ADCY2: variants seen among roughly 807,000 people sequenced by gnomAD.
ADCY2 encodes adenylate cyclase 2.
Under a neutral mutation model 125.2 loss-of-function variants are expected in ADCY2, and 31 were observed. That is an observed-to-expected ratio of 0.25 (90% CI 0.19 to 0.33). The LOEUF (loss-of-function observed/expected upper bound fraction) is 0.33. Among genes scored for constraint, ADCY2 ranks in the 10% least tolerant of loss-of-function variants. ADCY2 has a pLI of 1.00. For synonymous variants in ADCY2, 512 were observed against 548.4 expected, an observed-to-expected ratio of 0.93 and a Z score of 0.93; for missense variants, 904 against 1,418.2, an observed-to-expected ratio of 0.64 and a Z score of 5.82.
At chr5:7,794,043 C>T (rs1436131732) in intron 20 of ADCY2, 1 of 152,240 alleles carries the variant, frequency 6.6e-6, no homozygotes, top group Non-Finnish European at 1.5e-5. Context: ...TGATTCCTGC[C>T]TGGTAGGCTT....
intron 4 of ADCY2, among the ~76,000 whole-genome samples, chr5:7,664,558 A>G (rs1739649799): frequency 6.6e-6 from 1 of 152,192 alleles, no homozygotes; most frequent in African/African-American, 2.4e-5. Context: ...TTCTCATCAC[A>G]TGGGTTTTCT....
At chr5:7,674,411 T>C (rs1277363800) in intron 4 of ADCY2, among the ~76,000 whole-genome samples, 1 of 152,230 alleles carries the variant, frequency 6.6e-6, no homozygotes, top group Non-Finnish European at 1.5e-5. Context: ...GCTTTCTCCC[T>C]GTGTTTGGTT....
At position 7,414,824 on chromosome 5, in the gene ADCY2, C is replaced by G. The variant is rs532485075; in HGVS notation, c.408+54C>G. On this transcript the variant is annotated intron_variant, in intron 2 of 24. Transcript: ENST00000338316. ...CTTTTATGTCTTGATTTGTGACATA[C>G]TTAGTTCTGTAAACAACTTGGCCTT... The G allele has an allele frequency of 9.6e-5, 141 of 1,471,186 alleles. 2 individuals carry two copies. In the East Asian group the frequency reaches 3.4e-3, roughly 35 times the overall value. 91.1% of individuals were successfully genotyped at this position (1,471,186 alleles called of 1,614,324 possible).
intron 2 of ADCY2, among the ~76,000 whole-genome samples, chr5:7,514,409 G>T (rs934214245): frequency 6.6e-6 from 1 of 152,176 alleles, no homozygotes; most frequent in African/African-American, 2.4e-5. Flanking sequence ...TTTATAAATT[G>T]TAAGTAACCT....
chr5:7,808,741 A>G (rs1348946814), intron 22 of ADCY2, among the ~76,000 whole-genome samples: 1 of 151,860 alleles, frequency 6.6e-6, no homozygotes, highest in East Asian at 1.9e-4. Flanking sequence ...GCATCCCTGC[A>G]CCCCTACATT....
intron 3 of ADCY2, among the ~76,000 whole-genome samples, chr5:7,622,184 AT>A (rs1013843792): frequency 3.3e-5 from 5 of 152,222 alleles, no homozygotes; most frequent in Admixed American, 3.3e-4. Flanking sequence ...ATGCTTTGAT[AT>A]TATTTTTGAA....
Position 7,624,276 on chromosome 5 carries a change from C to A in ADCY2, c.571-1891C>A, listed in dbSNP as rs190186040. ...GTTCAGAACCCTTTGAGAGATAGAC[C>A]AAGGCATTGGGTAGATGGAGAACAA... On this transcript the variant is annotated intron_variant, in intron 3 of 24. Transcript: ENST00000338316. Among the ~76,000 whole-genome samples the A allele has an allele frequency of 1.7e-4, 26 of 152,260 alleles. No individual in the cohort carries two copies. The East Asian group carries it at 5.0e-3, about 29-fold the overall frequency.
At chr5:7,594,734 C>A (rs150233643) in intron 3 of ADCY2, among the ~76,000 whole-genome samples, 2 of 152,086 alleles carry the variant, frequency 1.3e-5, no homozygotes, top group African/African-American at 2.4e-5. Flanking sequence ...TAAAACGTCA[C>A]CAGGTGGGTA....
At position 7,819,823 on chromosome 5, in the gene ADCY2, G is replaced by A. The variant is rs530186001; in HGVS notation, c.2999-742G>A. ...AGCATCCTTTTCAGCATATCTAGCT[G>A]TAGAATCAGTTGGAACCACAAATCA... On this transcript the variant is annotated intron_variant, in intron 23 of 24. Coordinates refer to ENST00000338316, the MANE Select transcript of ADCY2 (RefSeq NM_020546.3). Among the ~76,000 whole-genome samples the A allele has an allele frequency of 1.6e-4, 24 of 152,316 alleles. No individual in the cohort carries two copies. The South Asian group carries it at 2.1e-3, about 13-fold the overall frequency.
chr5:7,559,338 C>T (rs4418069), intron 3 of ADCY2, among the ~76,000 whole-genome samples: 148,068 of 152,290 alleles, frequency 0.97, 72,094 homozygotes, highest in Non-Finnish European at 1. Flanking sequence ...GTTTGTGTCA[C>T]CTCTGATTTC....
chr5:7,507,336 G>T lies in ADCY2; in HGVS notation c.409-13402G>T, dbSNP rs1314593173. On this transcript the variant is annotated intron_variant, in intron 2 of 24. Transcript: ENST00000338316. Reference sequence around the variant, plus strand: ...GGCGCCTGTAGTCCCAGCTACTTGGGAGGCTGAGGCAGGAGAATGGCGTGA... The same window carrying T: ...GGCGCCTGTAGTCCCAGCTACTTGGTAGGCTGAGGCAGGAGAATGGCGTGA... Among the ~76,000 whole-genome samples, 3 of 138,208 alleles carry T rather than the reference G, an allele frequency of 2.2e-5. No individual in the cohort carries two copies. The South Asian group carries it at 7.1e-4, about 33-fold the overall frequency. 90.7% of individuals were successfully genotyped at this position (138,208 alleles called of 152,430 possible).
At chr5:7,404,903 C>T (rs1326004458) in intron 1 of ADCY2, among the ~76,000 whole-genome samples, 1 of 152,226 alleles carries the variant, frequency 6.6e-6, no homozygotes. Flanking sequence ...GCTGGCACTG[C>T]TGGCCAGAAC....
intron 2 of ADCY2, among the ~76,000 whole-genome samples, chr5:7,448,078 CTT>C (rs1196460514): frequency 6.6e-6 from 1 of 152,168 alleles, no homozygotes; most frequent in Non-Finnish European, 1.5e-5. Flanking sequence ...AACAGGCCCT[CTT>C]GTGTGCAAAC....
intron 15 of ADCY2, among the ~76,000 whole-genome samples, chr5:7,750,893 G>T (rs936399843): frequency 2.6e-5 from 4 of 151,984 alleles, no homozygotes; most frequent in African/African-American, 9.7e-5. Context: ...CTCTAGGTCT[G>T]CAACGTCATT....
chr5:7,723,920 CAAAAAAAAAAAAAAAA>C (rs70940756), intron 12 of ADCY2, among the ~76,000 whole-genome samples: 1 of 53,728 alleles, frequency 1.9e-5, no homozygotes, highest in South Asian at 7.8e-4. Context: ...GACTCAGTCT[CAAAAAAAAAAAAAAAA>C]AAAAAAAAGA....
intron 20 of ADCY2, 24 bp downstream of exon 20, chr5:7,789,824 TG>T: frequency 4.0e-5 from 7 of 176,456 alleles, no homozygotes; most frequent in Non-Finnish European, 5.4e-5. Context: ...GGCTGGGGGC[TG>T]GGGGAGGGGG....
chr5:7,641,157 C>T (rs1289404376), intron 4 of ADCY2, among the ~76,000 whole-genome samples: 1 of 152,132 alleles, frequency 6.6e-6, no homozygotes, highest in African/African-American at 2.4e-5. Flanking sequence ...TGGGTAGGGA[C>T]CCAGACACTC....
chr5:7,749,902 C>T (rs1013395971), intron 15 of ADCY2: 22 of 152,272 alleles, frequency 1.4e-4, no homozygotes, highest in African/African-American at 5.3e-4. Flanking sequence ...CCCTTGAAGT[C>T]TGTTTTCTTT....
At chr5:7,537,312 C>T (rs1310914505) in intron 3 of ADCY2, among the ~76,000 whole-genome samples, 1 of 152,122 alleles carries the variant, frequency 6.6e-6, no homozygotes, top group East Asian at 1.9e-4. Flanking sequence ...ACATGTTTGT[C>T]TTAAGTGTTA....
Sources: gnomAD v4.1 joint callset for allele counts (sites outside exome capture counted in the v4.1 genomes callset) on GRCh38, gnomAD v4.1.1 for gene constraint, MANE v1.5 for transcripts, NCBI Gene and HGNC (gene_info 2026-07-23, HGNC 2026-07-21) for gene names.